The following COL14A1 variants were observed in gnomAD, a reference collection of about 807,000 sequenced individuals.
The protein encoded by COL14A1 is collagen type XIV alpha 1 chain, also known as collagen alpha-1(XIV) chain.
Under a neutral mutation model 230.3 loss-of-function variants are expected in COL14A1, and 136 were observed. The ratio of observed to expected loss-of-function variants is 0.59; its 90% CI spans 0.51 to 0.68. The LOEUF (loss-of-function observed/expected upper bound fraction) is 0.68, where lower values mean the gene tolerates loss of function less well. Ranked by LOEUF, COL14A1 falls within the 30% of genes least tolerant of loss-of-function variation. COL14A1 has a pLI of 0.00. For synonymous variants in COL14A1, 792 were observed against 784.1 expected (o/e 1.01, Z -0.17); for missense variants, 1,976 against 2,215.8 (o/e 0.89, Z 2.17).
intron 23 of COL14A1, among the ~76,000 whole-genome samples, chr8:120,260,065 C>A (rs1263450808): frequency 6.6e-6 from 1 of 152,020 alleles, no homozygotes; most frequent in Non-Finnish European, 1.5e-5. Flanking sequence ...AATATAGGAA[C>A]AAGAAATGAT....
chr8:120,126,606 C>A (rs562988058), intron 1 of COL14A1, among the ~76,000 whole-genome samples: 9 of 152,262 alleles, frequency 5.9e-5, no homozygotes, highest in African/African-American at 2.2e-4. Flanking sequence ...CTGTTAAAGG[C>A]CTTGGGGCCC....
In COL14A1 at chr8:120,315,545, G is replaced by A; in HGVS notation, c.4564G>A (p.Glu1522Lys). The A allele has an allele frequency of 6.2e-7, 1 of 1,613,514 alleles. No homozygotes were observed. The highest frequency in any genetic ancestry group is 8.5e-7 in the Non-Finnish European group (1 of 1,179,554). The change falls in exon 39 of 48, where the codon GAA (glutamate) becomes AAA (lysine). Residue 1522 changes from glutamate to lysine, a missense_variant. Transcript: ENST00000297848. The part of the protein sequence containing the change: ...SIQGMPGMPG[E>K]KGEKGDTGLP... ...TTTGGATATTCAGGGAATGCCAGGA[G>A]AAAAAGGAGAGAAAGGAGATACTGG...
At chr8:120,320,513 A>T (rs1387124060) in intron 40 of COL14A1, among the ~76,000 whole-genome samples, 1 of 152,216 alleles carries the variant, frequency 6.6e-6, no homozygotes, top group Non-Finnish European at 1.5e-5. Flanking sequence ...GTTAGACTTG[A>T]AATGCACTTG....
intron 5 of COL14A1, among the ~76,000 whole-genome samples, chr8:120,188,765 A>T (rs1816723585): frequency 6.6e-6 from 1 of 152,166 alleles, no homozygotes; most frequent in Admixed American, 6.5e-5. Flanking sequence ...GACAAAAAGG[A>T]TTTATGTTAT....
At position 120,199,479 on chromosome 8, in the gene COL14A1, A is replaced by G. The variant is rs751834463; in HGVS notation, c.790A>G (p.Ile264Val). 50 of 1,612,814 alleles carry G rather than the reference A, an allele frequency of 3.1e-5. No homozygotes were observed. The highest frequency in any genetic ancestry group is 4.2e-5 in the Non-Finnish European group (49 of 1,179,604). ...GSRTGVSKIG[I>V]LITDGKSQDD... ...AAGGACTGGAGTATCCAAAATTGGC[A>G]TTTTAATCACAGATGGAAAATCCCA... The change falls in exon 8 of 48, where the codon ATT (isoleucine) becomes GTT (valine). Residue 264 changes from isoleucine (I) to valine (V), a missense_variant. Ile to Val is a conservative substitution (Grantham distance 29). Around this residue, in one of 3 missense-constraint regions of COL14A1, gnomAD observed 1,791 missense variants for 2,019.5 expected, o/e 0.89. Coordinates refer to ENST00000297848, the MANE Select transcript of COL14A1 (RefSeq NM_021110.4).
intron 33 of COL14A1, 55 bp from the exon 34 acceptor site, chr8:120,289,553 T>C (rs1390195918): frequency 1.5e-5 from 21 of 1,441,724 alleles, no homozygotes; most frequent in Non-Finnish European, 1.7e-5. Context: ...TTATACAAAT[T>C]TGGTTGATAT....
intron 2 of COL14A1, among the ~76,000 whole-genome samples, chr8:120,156,677 C>A (rs1203425919): frequency 6.6e-6 from 1 of 152,214 alleles, no homozygotes; most frequent in East Asian, 1.9e-4. Flanking sequence ...GGAAAGGGAA[C>A]AAATATTTAT....
chr8:120,156,249 A>G (rs928509538), intron 2 of COL14A1, among the ~76,000 whole-genome samples: 6 of 151,418 alleles, frequency 4.0e-5, no homozygotes, highest in African/African-American at 1.5e-4. Context: ...AGCTCCCTGC[A>G]GTCTCCGCCT....
intron 5 of COL14A1, among the ~76,000 whole-genome samples, chr8:120,168,931 C>T (rs1483049934): frequency 3.3e-5 from 5 of 152,192 alleles, no homozygotes; most frequent in Non-Finnish European, 7.3e-5. Flanking sequence ...TCTCGGCTCA[C>T]TGCAACCTCC....
At position 120,331,996 on chromosome 8, in the gene COL14A1, T is replaced by C. The variant is rs542987868; in HGVS notation, c.4660-145T>C. On this transcript the variant is annotated intron_variant, in intron 40 of 47. Coordinates refer to ENST00000297848, the MANE Select transcript of COL14A1 (RefSeq NM_021110.4). ...AAAACCTTGCCAAAAACAATTTCCATGAAGAGTTTAAAGGCAGTGAATCCT... is the reference window on the plus strand; with the variant it reads ...AAAACCTTGCCAAAAACAATTTCCACGAAGAGTTTAAAGGCAGTGAATCCT... The C allele has an allele frequency of 5.9e-5, 37 of 625,908 alleles. No homozygotes were observed. In the South Asian group the frequency reaches 9.7e-4, roughly 16 times the overall value. The allele number at this position is 625,908 out of a possible 1,614,324, so 38.8% of individuals were successfully genotyped here. A position where few individuals can be genotyped will look rare whatever the true frequency, so the allele number is the denominator to read the frequency against.
intron 5 of COL14A1, among the ~76,000 whole-genome samples, chr8:120,174,397 A>G (rs1033616784): frequency 1.3e-5 from 2 of 152,132 alleles, no homozygotes; most frequent in Non-Finnish European, 2.9e-5. Flanking sequence ...CAACTGCTGT[A>G]TTCTTTCCCC....
Position 120,147,936 on chromosome 8 carries a change from T to C in COL14A1, c.88+6T>C. On this transcript the variant is annotated splice_donor_region_variant and intron_variant, in intron 2 of 47. Coordinates refer to ENST00000297848, the MANE Select transcript of COL14A1 (RefSeq NM_021110.4). Reference sequence around the variant, plus strand: ...CACCATTGTCCAAGGTCAAGGTAATTGAAAACTTTGAGAATCAGTAGGGTC... The same window carrying C: ...CACCATTGTCCAAGGTCAAGGTAATCGAAAACTTTGAGAATCAGTAGGGTC... The C allele has an allele frequency of 6.2e-7, 1 of 1,605,696 alleles. No individual in the cohort carries two copies. The highest frequency in any genetic ancestry group is 8.5e-7 in the Non-Finnish European group (1 of 1,172,880).
chr8:120,250,335 C>T (rs986218105), intron 21 of COL14A1, among the ~76,000 whole-genome samples: 1 of 152,200 alleles, frequency 6.6e-6, no homozygotes, highest in Non-Finnish European at 1.5e-5. Flanking sequence ...CAACATAGTA[C>T]ATAACAATAT....
chr8:120,289,725 A>G lies in COL14A1; in HGVS notation c.4195A>G (p.Lys1399Glu), dbSNP rs564104323. 249 of 1,613,756 alleles carry G rather than the reference A, an allele frequency of 1.5e-4. 1 individual carries two copies. The South Asian group carries it at 2.5e-3, about 16-fold the overall frequency. The change falls in exon 34 of 48, where the codon AAA (lysine) becomes GAA (glutamate). Residue 1399 changes from lysine to glutamate, a missense_variant. This residue lies in a region of COL14A1 where 1,791 missense variants were observed against 2,019.5 expected (regional missense o/e 0.89). Coordinates refer to ENST00000297848, the MANE Select transcript of COL14A1 (RefSeq NM_021110.4). ...ITSDGVEVLG[K>E]MVRSRGPGGN... is the part of the protein sequence containing the mutation. ...GTCAGATGGTGTAGAAGTGCTAGGG[A>G]AAATGGTTCGATCAAGAGGACCAGG...
chr8:120,256,216 T>G (rs1224764959), intron 23 of COL14A1, among the ~76,000 whole-genome samples: 1 of 152,236 alleles, frequency 6.6e-6, no homozygotes, highest in East Asian at 1.9e-4. Flanking sequence ...TAGCCTGTTC[T>G]TTCTGGGCAA....
chr8:120,147,481 T>C (rs1784866183), intron 1 of COL14A1, among the ~76,000 whole-genome samples: 1 of 152,172 alleles, frequency 6.6e-6, no homozygotes, highest in African/African-American at 2.4e-5. Context: ...GACATTGGGA[T>C]TGATGATAAT....
In COL14A1 at chr8:120,231,518, G is replaced by T. The variant is rs1818266043; in HGVS notation, c.2249G>T (p.Ser750Ile). Residue 750 changes from serine (S) to isoleucine (I), a missense_variant, in exon 19 of 48, where the codon AGC (serine) becomes ATC (isoleucine). By Grantham distance (142) the Ser-to-Ile change is moderately radical. Around this residue, in one of 3 missense-constraint regions of COL14A1, gnomAD observed 1,791 missense variants for 2,019.5 expected, o/e 0.89. Coordinates refer to ENST00000297848, the MANE Select transcript of COL14A1 (RefSeq NM_021110.4). Reference protein sequence around the residue: ...NLVVGDETTSSLRVKWDISDS... With the variant: ...NLVVGDETTSILRVKWDISDS... Reference sequence around the variant, plus strand: ...GTTGTAGGTGATGAAACTACTTCTAGCCTGCGGGTAAAATGGGACATTTCT... The same window carrying T: ...GTTGTAGGTGATGAAACTACTTCTATCCTGCGGGTAAAATGGGACATTTCT... The T allele has an allele frequency of 1.9e-6, 3 of 1,614,036 alleles. No homozygotes were observed. The highest frequency in any genetic ancestry group is 1.3e-5 in the African/African-American group (1 of 75,018).
intron 5 of COL14A1, among the ~76,000 whole-genome samples, chr8:120,191,535 G>C (rs1586751891): frequency 6.6e-6 from 1 of 151,754 alleles, no homozygotes; most frequent in East Asian, 2.0e-4. Context: ...ATTTGGGGTG[G>C]AGAGTTCTGT....
chr8:120,366,929 G>A (rs1431579619), intron 45 of COL14A1, among the ~76,000 whole-genome samples: 1 of 152,202 alleles, frequency 6.6e-6, no homozygotes, highest in African/African-American at 2.4e-5. Flanking sequence ...AGGAGAAAGA[G>A]AGACTGGCAG....
Sources: gnomAD v4.1 joint callset for allele counts (sites outside exome capture counted in the v4.1 genomes callset) on GRCh38, gnomAD v4.1.1 for gene constraint, gnomAD v4.1.1 regional missense constraint, MANE v1.5 for transcripts, NCBI Gene and HGNC (gene_info 2026-07-23, HGNC 2026-07-21) for gene names.